C10orf90: variants seen among roughly 807,000 people sequenced by gnomAD.
C10orf90 encodes the protein (E2-independent) E3 ubiquitin-conjugating enzyme FATS.
Under a neutral mutation model 62.5 loss-of-function variants are expected in C10orf90, and 56 were observed. The ratio of observed to expected loss-of-function variants is 0.90; its 90% CI spans 0.72 to 1.12. C10orf90 has a LOEUF of 1.12. Ranked by LOEUF, C10orf90 falls within the 50% of genes most tolerant of loss-of-function variation. The pLI is 0.00. For missense variants in C10orf90, 970 were observed against 880.4 expected (o/e 1.10, Z -1.29); for synonymous variants, 386 against 340.4 (o/e 1.13, Z -1.47).
intron 2 of C10orf90, among the ~76,000 whole-genome samples, chr10:126,584,684 C>T (rs1423954497): frequency 1.3e-5 from 2 of 152,146 alleles, no homozygotes; most frequent in Admixed American, 1.3e-4. Context: ...GACCCAAACC[C>T]CTCTCAGAAT....
At chr10:126,521,305 C>T (rs1308355816) in intron 2 of C10orf90, 1 of 1,614,050 alleles carries the variant, frequency 6.2e-7, no homozygotes, top group Non-Finnish European at 8.5e-7. Context: ...ATACCTTCTC[C>T]AGACAGTTTG....
intron 2 of C10orf90, among the ~76,000 whole-genome samples, chr10:126,525,925 A>C (rs1863928106): frequency 1.3e-5 from 2 of 152,158 alleles, no homozygotes; most frequent in East Asian, 3.9e-4. Flanking sequence ...GCTGTATAGC[A>C]GACCTTCAAT....
chr10:126,534,675 C>T (rs1304270042), intron 2 of C10orf90, among the ~76,000 whole-genome samples: 1 of 152,158 alleles, frequency 6.6e-6, no homozygotes, highest in African/African-American at 2.4e-5. Context: ...GTCCGGGCCA[C>T]CTTCATTTTT....
In C10orf90 at chr10:126,461,327, T is replaced by C. The variant is rs557142928; in HGVS notation, c.2010+74A>G. On this transcript the variant is annotated intron_variant, in intron 6 of 9. Coordinates refer to ENST00000488181, the MANE Select transcript of C10orf90 (RefSeq NM_001350921.2). ...TCCAGCCTCAGAGGTGCAAGTGAGG[T>C]TGTGTGCTCACGGACTCCCTAGGAA... The C allele has an allele frequency of 2.8e-5, 43 of 1,531,164 alleles. No homozygotes were observed. The East Asian group carries it at 4.1e-4, about 15-fold the overall frequency. 94.8% of individuals were successfully genotyped at this position (1,531,164 alleles called of 1,614,324 possible).
chr10:126,665,249 G>C (rs888284543), intron 1 of C10orf90, among the ~76,000 whole-genome samples: 6 of 152,208 alleles, frequency 3.9e-5, no homozygotes, highest in African/African-American at 1.4e-4. Flanking sequence ...TGGAGGCCGG[G>C]ACTTCAGGGG....
intron 7 of C10orf90, among the ~76,000 whole-genome samples, chr10:126,437,807 C>T (rs1416869339): frequency 6.6e-6 from 1 of 151,944 alleles, no homozygotes; most frequent in Non-Finnish European, 1.5e-5. Flanking sequence ...AACAAACAGG[C>T]CCCCAGCTGC....
At chr10:126,474,088 C>T (rs1352982617) in intron 4 of C10orf90, among the ~76,000 whole-genome samples, 1 of 152,208 alleles carries the variant, frequency 6.6e-6, no homozygotes, top group East Asian at 1.9e-4. Context: ...TGAGACCTCA[C>T]CTCAGAGCCA....
At chr10:126,642,246 G>T (rs376456537) in intron 2 of C10orf90, among the ~76,000 whole-genome samples, 34 of 152,294 alleles carry the variant, frequency 2.2e-4, no homozygotes, top group East Asian at 1.5e-3. Flanking sequence ...CAATTTAAAA[G>T]ACAAGGCTGG....
chr10:126,579,275 C>CTT (rs35287358), intron 2 of C10orf90, among the ~76,000 whole-genome samples: 12 of 124,590 alleles, frequency 9.6e-5, no homozygotes, highest in African/African-American at 4.0e-4. Flanking sequence ...TTCTTTCTTT[C>CTT]TTTTTTTTTT....
At chr10:126,459,332 C>T in intron 6 of C10orf90, 115 bp from the exon 7 acceptor site, 1 of 1,186,038 alleles carries the variant, frequency 8.4e-7, no homozygotes, top group East Asian at 2.4e-5. Flanking sequence ...AGACCAAAAG[C>T]CACGGTGCAA....
rs945096853 is a variant in C10orf90 at position 126,496,793 on chromosome 10, G to A, written c.1534+7164C>T. 3.5e-6 allele frequency: 3 copies of A among 849,458 alleles called. No individual in the cohort carries two copies. The African/African-American group carries it at 5.5e-5, about 16-fold the overall frequency. The allele number at this position is 849,458 out of a possible 1,614,324, so 52.6% of individuals were successfully genotyped here. On this transcript the variant is annotated intron_variant, in intron 4 of 9. Transcript: ENST00000488181. ...GGATCGTGACATAAGCATGGGCTTT[G>A]TTGGGTCATCAACGTAACCTGTCCT...
chr10:126,481,945 T>C (rs965736008), intron 4 of C10orf90, among the ~76,000 whole-genome samples: 1 of 152,188 alleles, frequency 6.6e-6, no homozygotes, highest in Non-Finnish European at 1.5e-5. Flanking sequence ...AGAGGGGTTC[T>C]TACCCCATAC....
At chr10:126,530,473 CT>C (rs1320168946) in intron 2 of C10orf90, among the ~76,000 whole-genome samples, 2 of 151,368 alleles carry the variant, frequency 1.3e-5, no homozygotes, top group Non-Finnish European at 2.9e-5. Flanking sequence ...ATAAATTCAA[CT>C]TAGAAAAAAA....
chr10:126,446,937 G>A (rs925445067), intron 7 of C10orf90, among the ~76,000 whole-genome samples: 3 of 152,142 alleles, frequency 2.0e-5, no homozygotes, highest in Admixed American at 2.0e-4. Context: ...AAATTAAGTT[G>A]TTATCAGCTT....
intron 2 of C10orf90, among the ~76,000 whole-genome samples, chr10:126,575,726 A>G (rs930570901): frequency 1.3e-5 from 2 of 152,110 alleles, no homozygotes; most frequent in Non-Finnish European, 1.5e-5. Flanking sequence ...CCGGCATAAA[A>G]ACAGATACAT....
intron 2 of C10orf90, among the ~76,000 whole-genome samples, chr10:126,632,210 C>A (rs1845864107): frequency 6.6e-6 from 1 of 151,968 alleles, no homozygotes; most frequent in Non-Finnish European, 1.5e-5. Context: ...CACAACCAGT[C>A]CCTAGTTGTG....
At chr10:126,602,488 C>T (rs1014416720) in intron 2 of C10orf90, among the ~76,000 whole-genome samples, 5 of 152,124 alleles carry the variant, frequency 3.3e-5, no homozygotes, top group South Asian at 2.1e-4. Flanking sequence ...CAGGGTGGTT[C>T]CACTGTGGAA....
intron 4 of C10orf90, among the ~76,000 whole-genome samples, chr10:126,477,259 C>G (rs761678689): frequency 4.1e-5 from 6 of 146,476 alleles, no homozygotes; most frequent in Non-Finnish European, 7.6e-5. Flanking sequence ...ACAATTTTTC[C>G]CCAGACCTTC....
chr10:126,598,424 G>A (rs2804425), intron 2 of C10orf90, among the ~76,000 whole-genome samples: 17,100 of 151,970 alleles, frequency 0.11, 1,737 homozygotes, highest in African/African-American at 0.25. Context: ...CCTATATGAT[G>A]CCCATATGAG....
Sources: gnomAD v4.1 joint callset for allele counts (sites outside exome capture counted in the v4.1 genomes callset) on GRCh38, gnomAD v4.1.1 for gene constraint, MANE v1.5 for transcripts, NCBI Gene and HGNC (gene_info 2026-07-23, HGNC 2026-07-21) for gene names.